SLC25A51: variants seen among roughly 807,000 people sequenced by gnomAD.
SLC25A51 encodes mitochondrial nicotinamide adenine dinucleotide transporter SLC25A51.
Under a neutral mutation model 19.1 loss-of-function variants are expected in SLC25A51, and 11 were observed. The ratio of observed to expected loss-of-function variants is 0.58; its 90% CI spans 0.36 to 0.96. The LOEUF (loss-of-function observed/expected upper bound fraction) is 0.96. SLC25A51 is among the 40% of genes least tolerant of loss of function. SLC25A51 has a pLI of 0.01. For synonymous variants in SLC25A51, 105 were observed against 133.6 expected (o/e 0.79, Z 1.47); for missense variants, 201 against 365.4 (o/e 0.55, Z 3.67).
At chr9:37,884,792 A>G (rs950040267), downstream of SLC25A51, among the ~76,000 whole-genome samples, 8 of 152,228 alleles carry the variant, frequency 5.3e-5, no homozygotes, top group South Asian at 2.1e-4. Context: ...TGGAACAACT[A>G]TAACAAGATT....
chr9:37,901,180 T>G (rs899507538), intron 1 of SLC25A51, among the ~76,000 whole-genome samples: 1 of 151,930 alleles, frequency 6.6e-6, no homozygotes, highest in Non-Finnish European at 1.5e-5. Flanking sequence ...AAAAAAAATT[T>G]TTTTTTTGAG....
chr9:37,904,006 C>T (rs529766955), intron 1 of SLC25A51, 62 bp downstream of exon 1: 4 of 152,642 alleles, frequency 2.6e-5, no homozygotes, highest in Middle Eastern at 3.4e-3. Flanking sequence ...CAGCGCGTTT[C>T]CCCTCCCTCC....
At chr9:37,880,664 C>G (rs2118282576) in exon 4 of SLC25A51, 1 of 152,498 alleles carries the variant, frequency 6.6e-6, no homozygotes, top group Non-Finnish European at 1.5e-5. Context: ...GCAGGAGAAT[C>G]ACTTGAACCC....
downstream of SLC25A51, among the ~76,000 whole-genome samples, chr9:37,877,638 A>T (rs1459603828): frequency 6.7e-6 from 1 of 149,048 alleles, no homozygotes; most frequent in Non-Finnish European, 1.5e-5. Flanking sequence ...GACTCAATAG[A>T]TCCTCCTGCC....
chr9:37,885,909 A>G (rs1045648041), downstream of SLC25A51: 2 of 1,588,440 alleles, frequency 1.3e-6, no homozygotes, highest in Non-Finnish European at 1.7e-6. Context: ...GGCCCTGAGT[A>G]TATCAAGTAC....
intron 2 of SLC25A51, among the ~76,000 whole-genome samples, chr9:37,899,008 C>T (rs895861570): frequency 6.6e-6 from 1 of 152,156 alleles, no homozygotes; most frequent in Non-Finnish European, 1.5e-5. Flanking sequence ...TAAATCCTAG[C>T]TCCACCACAC....
chr9:37,896,342 T>C (rs1467854060), intron 2 of SLC25A51, among the ~76,000 whole-genome samples: 4 of 152,038 alleles, frequency 2.6e-5, no homozygotes, highest in African/African-American at 9.7e-5. Flanking sequence ...CATCAAAATA[T>C]AGTTCATCAT....
At chr9:37,885,106 G>A (rs58572520), downstream of SLC25A51, among the ~76,000 whole-genome samples, 8 of 152,084 alleles carry the variant, frequency 5.3e-5, no homozygotes, top group African/African-American at 1.9e-4. Flanking sequence ...ACTGTCCTCT[G>A]CAGCTGCTCC....
chr9:37,880,194 T>A (rs1476863540), exon 4 of SLC25A51: 1 of 150,984 alleles, frequency 6.6e-6, no homozygotes. Flanking sequence ...ATGCCTGCAA[T>A]CCCAGCTACT....
downstream of SLC25A51, chr9:37,885,865 T>C: frequency 6.3e-7 from 1 of 1,597,256 alleles, no homozygotes; most frequent in South Asian, 1.1e-5. Flanking sequence ...ATAGTGTTCC[T>C]GATGACGTGC....
At chr9:37,890,974 C>G (rs1434095289) in intron 2 of SLC25A51, among the ~76,000 whole-genome samples, 1 of 152,148 alleles carries the variant, frequency 6.6e-6, no homozygotes, top group Non-Finnish European at 1.5e-5. Flanking sequence ...TGGTGAACTG[C>G]TCAACACTCA....
At chr9:37,899,988 CTTTTTTTTTTTT>C (rs35821924) in intron 1 of SLC25A51, 38 bp from the exon 2 acceptor site, 2 of 57,084 alleles carry the variant, frequency 3.5e-5, no homozygotes, top group East Asian at 6.2e-4. Context: ...TTTATATAGC[CTTTTTTTTTTTT>C]TTTTTTTTTT....
chr9:37,893,536 C>T (rs1831643970), intron 2 of SLC25A51, among the ~76,000 whole-genome samples: 1 of 152,176 alleles, frequency 6.6e-6, no homozygotes, highest in South Asian at 2.1e-4. Context: ...TTTCACTGTC[C>T]CTCCCTGATC....
intron 2 of SLC25A51, among the ~76,000 whole-genome samples, chr9:37,890,932 T>C (rs1007136375): frequency 2.0e-5 from 3 of 152,088 alleles, no homozygotes; most frequent in Admixed American, 6.5e-5. Context: ...TTCCTTAAGT[T>C]TTTTTTCCCT....
At chr9:37,885,607 T>C (rs1831436365), downstream of SLC25A51, 10 of 746,402 alleles carry the variant, frequency 1.3e-5, no homozygotes, top group Admixed American at 1.3e-4. Context: ...TTCACTCTTT[T>C]TGGCAACAAT....
chr9:37,887,073 T>C (rs984152274), downstream of SLC25A51, among the ~76,000 whole-genome samples: 11 of 151,696 alleles, frequency 7.3e-5, no homozygotes, highest in African/African-American at 2.2e-4. Flanking sequence ...TCCCAGCACT[T>C]TGGGAGGCCG....
chr9:37,896,585 C>T (rs1017369357), intron 2 of SLC25A51, among the ~76,000 whole-genome samples: 2 of 152,180 alleles, frequency 1.3e-5, no homozygotes, highest in South Asian at 2.1e-4. Flanking sequence ...CACTTGAAGT[C>T]AGGAGTTCGA....
At chr9:37,894,368 C>T (rs1441766717) in intron 2 of SLC25A51, among the ~76,000 whole-genome samples, 8 of 151,122 alleles carry the variant, frequency 5.3e-5, no homozygotes, top group Non-Finnish European at 7.4e-5. Flanking sequence ...GCTTTGTTGC[C>T]CAGGCTGGAA....
At chr9:37,886,485 T>C (rs533602087), downstream of SLC25A51, 379 of 1,361,038 alleles carry the variant, frequency 2.8e-4, 3 homozygotes, top group South Asian at 5.3e-3. Flanking sequence ...ATGTTTTCCC[T>C]TTGGCTGTGA....
Sources: allele counts gnomAD v4.1 joint callset (sites outside exome capture counted in the v4.1 genomes callset), GRCh38; gene constraint gnomAD v4.1.1; transcripts MANE v1.5; gene names NCBI Gene and HGNC (gene_info 2026-07-23, HGNC 2026-07-21).